Variants in KCNK10 observed in about 807,000 individuals in gnomAD.
KCNK10 encodes potassium two pore domain channel subfamily K member 10.
A neutral mutation model predicts 47.7 loss-of-function variants in KCNK10; 25 were observed. That is an observed-to-expected ratio of 0.52 (90% CI 0.38 to 0.73). KCNK10 has a LOEUF of 0.73. Ranked by LOEUF, KCNK10 falls within the 30% of genes least tolerant of loss-of-function variation. The probability of loss-of-function intolerance (pLI) is 0.00; values close to 1 mark genes in which losing one functional copy is unlikely to be tolerated. For synonymous variants in KCNK10, 303 were observed against 285.6 expected, an observed-to-expected ratio of 1.06 and a Z score of -0.61; for missense variants, 563 against 714.5, an observed-to-expected ratio of 0.79 and a Z score of 2.42.
intron 4 of KCNK10, among the ~76,000 whole-genome samples, chr14:88,216,124 G>C (rs1184640774): frequency 6.6e-6 from 1 of 152,094 alleles, no homozygotes; most frequent in African/African-American, 2.4e-5. Context: ...AGGCATTTTT[G>C]CTTTCTTGGT....
At chr14:88,252,115 A>G in intron 2 of KCNK10, among the ~76,000 whole-genome samples, 1 of 152,042 alleles carries the variant, frequency 6.6e-6, no homozygotes, top group Non-Finnish European at 1.5e-5. Context: ...GGGTTTTGCC[A>G]TGTTGCCCAG....
chr14:88,231,770 A>C (rs2139878245), intron 3 of KCNK10, among the ~76,000 whole-genome samples: 1 of 152,278 alleles, frequency 6.6e-6, no homozygotes, highest in African/African-American at 2.4e-5. Context: ...TGGTCTGGAG[A>C]AGTGCCTGAA....
chr14:88,246,898 T>C (rs1048114547), intron 2 of KCNK10, among the ~76,000 whole-genome samples: 1 of 152,140 alleles, frequency 6.6e-6, no homozygotes, highest in South Asian at 2.1e-4. Flanking sequence ...CACTGTGCCT[T>C]GTCATTTCTT....
At chr14:88,247,508 A>G (rs1205988312) in intron 2 of KCNK10, among the ~76,000 whole-genome samples, 2 of 152,214 alleles carry the variant, frequency 1.3e-5, no homozygotes, top group Non-Finnish European at 2.9e-5. Context: ...GTACCCAGTT[A>G]TGTGCAAATA....
intron 1 of KCNK10, among the ~76,000 whole-genome samples, chr14:88,268,399 C>T (rs954636684): frequency 1.3e-5 from 2 of 152,224 alleles, no homozygotes; most frequent in East Asian, 1.9e-4. Context: ...GGCGCATGCT[C>T]ATGCCCAACA....
chr14:88,295,918 G>C (rs1887976411), intron 1 of KCNK10, among the ~76,000 whole-genome samples: 1 of 152,040 alleles, frequency 6.6e-6, no homozygotes. Context: ...TCTGCTCTTT[G>C]GGGGGTCTAA....
At chr14:88,314,141 T>A (rs549635308) in intron 1 of KCNK10, among the ~76,000 whole-genome samples, 1 of 152,096 alleles carries the variant, frequency 6.6e-6, no homozygotes, top group Non-Finnish European at 1.5e-5. Context: ...TCTGAATGTG[T>A]CCCCCCAGAA....
At chr14:88,289,177 C>T (rs1447084079) in intron 1 of KCNK10, among the ~76,000 whole-genome samples, 6 of 152,190 alleles carry the variant, frequency 3.9e-5, no homozygotes, top group Non-Finnish European at 7.4e-5. Context: ...TGGAGAAGAT[C>T]AAGAGTAACA....
chr14:88,296,239 G>A (rs1333939441), intron 1 of KCNK10, among the ~76,000 whole-genome samples: 1 of 152,146 alleles, frequency 6.6e-6, no homozygotes, highest in Non-Finnish European at 1.5e-5. Context: ...AGCAGACCTT[G>A]ATGCCCCATG....
intron 1 of KCNK10, among the ~76,000 whole-genome samples, chr14:88,313,672 G>A (rs146272414): frequency 1.6e-3 from 240 of 152,184 alleles, no homozygotes; most frequent in African/African-American, 5.3e-3. Flanking sequence ...ACAGCAGCCC[G>A]GACAACATCT....
intron 1 of KCNK10, among the ~76,000 whole-genome samples, chr14:88,294,177 C>T (rs775610394): frequency 6.6e-6 from 1 of 152,188 alleles, no homozygotes; most frequent in Non-Finnish European, 1.5e-5. Context: ...TTAGCACATT[C>T]GATTCCCCCA....
intron 1 of KCNK10, among the ~76,000 whole-genome samples, chr14:88,283,696 G>C (rs553314780): frequency 1.0e-3 from 155 of 152,318 alleles, no homozygotes; most frequent in African/African-American, 3.5e-3. Context: ...TGGATCACGA[G>C]GTCAAGAGAT....
intron 4 of KCNK10, among the ~76,000 whole-genome samples, chr14:88,207,787 A>T (rs571199513): frequency 6.6e-6 from 1 of 152,294 alleles, no homozygotes; most frequent in East Asian, 1.9e-4. Flanking sequence ...TCATAGGCTG[A>T]TGGGGATGCC....
intron 1 of KCNK10, among the ~76,000 whole-genome samples, chr14:88,291,252 C>T (rs1887869979): frequency 1.3e-5 from 2 of 152,116 alleles, no homozygotes; most frequent in Non-Finnish European, 2.9e-5. Flanking sequence ...CAATGGAGCA[C>T]CATGTCACCT....
chr14:88,194,070 A>G (rs1185589595), intron 4 of KCNK10, among the ~76,000 whole-genome samples: 2 of 152,230 alleles, frequency 1.3e-5, no homozygotes, highest in Non-Finnish European at 2.9e-5. Flanking sequence ...GGGAACAGGG[A>G]AAAATAATTT....
chr14:88,236,343 TGA>T (rs2139884418), intron 3 of KCNK10, among the ~76,000 whole-genome samples: 1 of 151,038 alleles, frequency 6.6e-6, no homozygotes, highest in East Asian at 1.9e-4. Flanking sequence ...AAAGAAAATG[TGA>T]GTCAATAAAA....
At chr14:88,315,507 TCAGG>T (rs1888412752) in intron 1 of KCNK10, among the ~76,000 whole-genome samples, 1 of 152,206 alleles carries the variant, frequency 6.6e-6, no homozygotes, top group Non-Finnish European at 1.5e-5. Flanking sequence ...ATTCTGCCTG[TCAGG>T]CTCATATCAC....
At chr14:88,252,923 C>T (rs1451821439) in intron 2 of KCNK10, among the ~76,000 whole-genome samples, 1 of 152,110 alleles carries the variant, frequency 6.6e-6, no homozygotes, top group Non-Finnish European at 1.5e-5. Flanking sequence ...TTCCCTTCGT[C>T]AGGAGGAATT....
Position 88,257,317 on chromosome 14 carries a change from C to T in KCNK10, c.402+5885G>A, listed in dbSNP as rs1886983836. Among the ~76,000 whole-genome samples, 5 of 152,292 alleles carry T rather than the reference C, an allele frequency of 3.3e-5. No homozygotes were observed. The South Asian group carries it at 1.0e-3, about 32-fold the overall frequency. On this transcript the variant is annotated intron_variant, in intron 2 of 6. Coordinates refer to ENST00000319231, the MANE Select transcript of KCNK10 (RefSeq NM_138317.3). Reference sequence around the variant, plus strand: ...TTCCACAACATAAAGGTCCTCTAAGCACCTCCTCAGCCCAGCTCCCACGAC... The same window carrying T: ...TTCCACAACATAAAGGTCCTCTAAGTACCTCCTCAGCCCAGCTCCCACGAC...
Sources: allele counts gnomAD v4.1 joint callset (sites outside exome capture counted in the v4.1 genomes callset), GRCh38; gene constraint gnomAD v4.1.1; transcripts MANE v1.5; gene names NCBI Gene and HGNC (gene_info 2026-07-23, HGNC 2026-07-21).